The following ADGRG6 variants were observed in gnomAD, a reference collection of about 807,000 sequenced individuals.
ADGRG6 encodes G-protein coupled receptor 126.
In ADGRG6, 84 loss-of-function variants were observed where a neutral mutation model predicts 142.4. That is an observed-to-expected ratio of 0.59 (90% confidence interval 0.49 to 0.71). The LOEUF (loss-of-function observed/expected upper bound fraction) is 0.71. Ranked by LOEUF, ADGRG6 falls within the 30% of genes least tolerant of loss-of-function variation. The pLI is 0.00. For synonymous variants in ADGRG6, 521 were observed against 520.5 expected, an observed-to-expected ratio of 1.00 and a Z score of -0.01; for missense variants, 1,367 against 1,466.6, an observed-to-expected ratio of 0.93 and a Z score of 1.11.
Position 142,397,703 on chromosome 6 carries a change from T to C in ADGRG6, c.1515T>C (p.Asn505=), listed in dbSNP as rs1583090832. Residue 505 remains asparagine, a synonymous_variant, in exon 10 of 25, where the codon AAT becomes AAC. Coordinates refer to ENST00000367609, the MANE Select transcript of ADGRG6 (RefSeq NM_198569.3). ...TTCAGCAGAAGCTCCTAAAAAATAATGAGTCCTTGGATGAAGGCTTGAGGC... is the reference window on the plus strand; with the variant it reads ...TTCAGCAGAAGCTCCTAAAAAATAACGAGTCCTTGGATGAAGGCTTGAGGC... ...KIIQQKLLKN[N]ESLDEGLRLH... is the part of the protein sequence containing the mutation. 6.2e-7 allele frequency: 1 copy of C among 1,609,124 alleles called. No individual in the cohort carries two copies. The highest frequency in any genetic ancestry group is 8.5e-7 in the Non-Finnish European group (1 of 1,177,338).
rs374404471 is a variant in ADGRG6, at chr6:142,392,065, TATAA to T, written c.1309-879_1309-876del. ...AGCAGATACTTGATAACAGAGAAAA[TATAA>T]ATAGTGTACCTGTTTCAAATTATTA... is the stretch of plus-strand genomic sequence containing the variant. On this transcript the variant is annotated intron_variant, in intron 7 of 24. Transcript: ENST00000367609. 4.3e-3 allele frequency among the ~76,000 whole-genome samples: 661 copies of T among 152,094 alleles called. 3 individuals are homozygous for T. Among genetic ancestry groups the T allele is most frequent in the African/African-American group, 0.014 (594 of 41,564 alleles).
chr6:142,431,496 T>G (rs1777206821), intron 22 of ADGRG6, among the ~76,000 whole-genome samples: 1 of 152,166 alleles, frequency 6.6e-6, no homozygotes, highest in African/African-American at 2.4e-5. Flanking sequence ...TTATGGGCAA[T>G]GTTAAATAAA....
intron 22 of ADGRG6, among the ~76,000 whole-genome samples, chr6:142,421,865 A>G (rs1162710601): frequency 6.6e-6 from 1 of 152,214 alleles, no homozygotes; most frequent in Non-Finnish European, 1.5e-5. Context: ...TAATTATATT[A>G]AAACACCTCC....
intron 2 of ADGRG6, among the ~76,000 whole-genome samples, chr6:142,329,762 T>TGG (rs1778949423): frequency 6.6e-6 from 1 of 152,180 alleles, no homozygotes; most frequent in South Asian, 2.1e-4. Context: ...TACAAATACT[T>TGG]CAGTAGCTAA....
intron 6 of ADGRG6, among the ~76,000 whole-genome samples, chr6:142,386,380 AGGCCGAAAC>A (rs1419151872): frequency 6.6e-6 from 1 of 152,244 alleles, no homozygotes; most frequent in Non-Finnish European, 1.5e-5. Context: ...TTCCAAATAA[AGGCCGAAAC>A]ACTTCTAATA....
Position 142,370,441 on chromosome 6 carries a change from C to T in ADGRG6, c.717C>T (p.Val239=). 1 of 1,613,390 alleles carries T rather than the reference C, an allele frequency of 6.2e-7. No individual in the cohort carries two copies. Among genetic ancestry groups the T allele is most frequent in the Non-Finnish European group, 8.5e-7 (1 of 1,179,408 alleles). The stretch of plus-strand genomic sequence containing the variant: ...GTTTGTTGAATAATGCATTACCTGT[C>T]AAAGAAAAAGAAGACATTTTTGCAG... ...SKCLLNNALP[V]KEKEDIFAES... Residue 239 remains valine (V), a synonymous_variant, in exon 4 of 25, where the codon GTC becomes GTT. Transcript: ENST00000367609.
Position 142,370,678 on chromosome 6 carries a change from T to G in ADGRG6, c.954T>G (p.Asn318Lys). 1.2e-6 allele frequency: 2 copies of G among 1,613,856 alleles called. No individual in the cohort carries two copies. Residue 318 changes from asparagine (N) to lysine (K), a missense_variant, in exon 4 of 25, where the codon AAT (asparagine) becomes AAG (lysine). Physicochemically the swap from Asn to Lys is moderately conservative, Grantham distance 94. Coordinates refer to ENST00000367609, the MANE Select transcript of ADGRG6 (RefSeq NM_198569.3). ...YNFRLWNFTM[N>K]AKILSNLSCN... is the part of the protein sequence containing the mutation. ...TTCGACTTTGGAATTTTACCATGAA[T>G]GCCAAAATCCTCTCCAACCTCAGCT...
At chr6:142,328,000 A>G (rs1052208907) in intron 2 of ADGRG6, among the ~76,000 whole-genome samples, 1 of 152,050 alleles carries the variant, frequency 6.6e-6, no homozygotes, top group African/African-American at 2.4e-5. Flanking sequence ...TATTTTTCCT[A>G]CGTTACAGAT....
At chr6:142,365,545 C>T (rs1780906825) in intron 2 of ADGRG6, among the ~76,000 whole-genome samples, 1 of 152,128 alleles carries the variant, frequency 6.6e-6, no homozygotes, top group Non-Finnish European at 1.5e-5. Context: ...GGAAGTAACA[C>T]AAGTCCTCTG....
chr6:142,337,273 A>G (rs1779362128), intron 2 of ADGRG6, among the ~76,000 whole-genome samples: 1 of 152,224 alleles, frequency 6.6e-6, no homozygotes. Context: ...TTAAGGGTGA[A>G]CAAAGAGTTT....
chr6:142,368,174 G>C (rs1412722876), intron 3 of ADGRG6, among the ~76,000 whole-genome samples: 1 of 152,178 alleles, frequency 6.6e-6, no homozygotes, highest in African/African-American at 2.4e-5. Flanking sequence ...GGAAGACACT[G>C]TAGATATTCC....
At chr6:142,318,315 AT>A (rs1778327067) in intron 2 of ADGRG6, among the ~76,000 whole-genome samples, 1 of 90,806 alleles carries the variant, frequency 1.1e-5, no homozygotes, top group South Asian at 2.6e-4. Flanking sequence ...TATATTATAT[AT>A]TTATATATTA....
chr6:142,304,403 T>TTC (rs911205499), intron 1 of ADGRG6, among the ~76,000 whole-genome samples: 1 of 152,192 alleles, frequency 6.6e-6, no homozygotes, highest in Non-Finnish European at 1.5e-5. Context: ...CTTGCATTAA[T>TTC]TCGTCTCAAG....
At chr6:142,377,953 A>G (rs889947414) in intron 4 of ADGRG6, among the ~76,000 whole-genome samples, 5 of 152,144 alleles carry the variant, frequency 3.3e-5, no homozygotes, top group Admixed American at 2.0e-4. Context: ...TTATTGTTAT[A>G]TTGGATCATA....
intron 2 of ADGRG6, among the ~76,000 whole-genome samples, chr6:142,363,182 A>G (rs1044111598): frequency 6.6e-6 from 1 of 152,104 alleles, no homozygotes; most frequent in African/African-American, 2.4e-5. Flanking sequence ...ATCATCCACA[A>G]ATCTGTGTTG....
At chr6:142,439,930 T>G (rs1474679812) in intron 24 of ADGRG6, among the ~76,000 whole-genome samples, 1 of 152,240 alleles carries the variant, frequency 6.6e-6, no homozygotes, top group African/African-American at 2.4e-5. Flanking sequence ...TTCACTTTAT[T>G]TAACCAAACT....
At chr6:142,365,906 C>G (rs1171322525) in intron 2 of ADGRG6, among the ~76,000 whole-genome samples, 3 of 152,236 alleles carry the variant, frequency 2.0e-5, no homozygotes, top group African/African-American at 7.2e-5. Flanking sequence ...TATATGCATT[C>G]TAGTCAACTC....
At chr6:142,378,487 G>A (rs1229776854) in intron 4 of ADGRG6, among the ~76,000 whole-genome samples, 1 of 152,116 alleles carries the variant, frequency 6.6e-6, no homozygotes, top group Non-Finnish European at 1.5e-5. Context: ...ACAAAAGGGA[G>A]GTCCTACAAA....
chr6:142,320,964 A>G lies in ADGRG6; in HGVS notation c.103+11320A>G, dbSNP rs1778485146. On this transcript the variant is annotated intron_variant, in intron 2 of 24. Transcript: ENST00000367609. ...TGACCAGTAGGTGCATATGTGTAAC[A>G]ACACATATAGATTCTCATCACAAAA... Among the ~76,000 whole-genome samples, 3 of 152,158 alleles carry G rather than the reference A, an allele frequency of 2.0e-5. No individual in the cohort carries two copies. In the South Asian group the frequency reaches 6.2e-4, roughly 32 times the overall value.
Sources: allele counts gnomAD v4.1 joint callset (sites outside exome capture counted in the v4.1 genomes callset), GRCh38; gene constraint gnomAD v4.1.1; transcripts MANE v1.5; gene names NCBI Gene and HGNC (gene_info 2026-07-23, HGNC 2026-07-21).